MCF2: variants seen among roughly 807,000 people sequenced by gnomAD.
MCF2 encodes the protein MCF.2 cell line derived transforming sequence.
A neutral mutation model predicts 82.5 loss-of-function variants in MCF2; 44 were observed. The observed-to-expected ratio is 0.53, with a 90% CI of 0.42 to 0.69. The LOEUF is 0.69. MCF2 is among the 30% of genes least tolerant of loss of function. The pLI is 0.00. For missense variants in MCF2, 623 were observed against 663.1 expected, an observed-to-expected ratio of 0.94 and a Z score of 0.66; for synonymous variants, 217 against 224.9, an observed-to-expected ratio of 0.96 and a Z score of 0.32.
exon 2 of MCF2, chrX:139,632,440 C>T: frequency 4.2e-6 from 5 of 1,201,217 alleles, no homozygotes; most frequent in Non-Finnish European, 5.6e-6. Context: ...AGTGCAAGTT[C>T]CCAGGGAAGG....
chrX:139,631,900 C>G lies in MCF2; in HGVS notation c.172-389G>C, dbSNP rs746141978. Among the ~76,000 whole-genome samples, 41 of 111,194 alleles carry G rather than the reference C, an allele frequency of 3.7e-4. 1 individual carries two copies. In the Admixed American group the frequency reaches 3.7e-3, roughly 10 times the overall value. On this transcript the variant is annotated intron_variant, in intron 2 of 24. Coordinates refer to ENST00000370576, the Ensembl canonical transcript of MCF2. ...AAAAGTATCAAAATTTATGAGCACC[C>G]TATTCCTAACCTTAAAAACAAACAA... is the stretch of plus-strand genomic sequence containing the variant.
chrX:139,598,434 C>T (rs370241205), exon 17 of MCF2: 14 of 1,164,789 alleles, frequency 1.2e-5, no homozygotes, highest in Non-Finnish European at 1.6e-5. Context: ...TTTAGTGATT[C>T]GTTGCACTGG....
rs140739121 is a variant in MCF2, at chrX:139,681,637, T to C, written c.-45+26469A>G. Among the ~76,000 whole-genome samples, 350 of 112,464 alleles carry C rather than the reference T, an allele frequency of 3.1e-3. 2 individuals are homozygous for C. Among genetic ancestry groups the C allele is most frequent in the African/African-American group, 0.011 (340 of 30,963 alleles). On this transcript the variant is annotated intron_variant, in intron 1 of 27. Coordinates refer to the MCF2 transcript ENST00000414978. ...CCAATACAAGTCTTAGATCAACATA[T>C]GGTGTATGATCCCAGTTTGGTAAAA... is the stretch of plus-strand genomic sequence containing the variant.
chrX:139,596,598 C>A, exon 19 of MCF2: 1 of 1,210,519 alleles, frequency 8.3e-7, no homozygotes, highest in Non-Finnish European at 1.1e-6. Context: ...AGAGCCTTCT[C>A]CACTTTCAAC....
chrX:139,589,174 T>C (rs1404843505), intron 20 of MCF2, among the ~76,000 whole-genome samples: 2 of 111,689 alleles, frequency 1.8e-5, no homozygotes, highest in African/African-American at 6.5e-5. Context: ...CTCCCATCAC[T>C]TACAAGATGT....
intron 6 of MCF2, among the ~76,000 whole-genome samples, chrX:139,622,112 A>C (rs1208927645): frequency 8.9e-6 from 1 of 112,252 alleles, no homozygotes; most frequent in Non-Finnish European, 1.9e-5. Flanking sequence ...TTATGCAGCC[A>C]AAAAACGCAT....
chrX:139,637,361 G>A (rs1041338772), intron 1 of MCF2, among the ~76,000 whole-genome samples: 75 of 111,118 alleles, frequency 6.7e-4, no homozygotes, highest in African/African-American at 2.3e-3. Context: ...TTCATCCCTC[G>A]TGCCCACACG....
In MCF2 at chrX:139,596,768, T is replaced by C. The variant is rs762254929; in HGVS notation, c.2058A>G (p.Gly686=). 3.4e-5 allele frequency: 40 copies of C among 1,187,214 alleles called. No individual in the cohort carries two copies. In the African/African-American group the frequency reaches 6.2e-4, roughly 18 times the overall value. ...TCATCTTGCCCAGTTCATTTAAGTT[T>C]CCCTAGAATGGAAAATCAAAACCCA... is the stretch of plus-strand genomic sequence containing the variant. The change falls in exon 19 of 25, where the codon GGA becomes GGG. Residue 686 remains glycine (G), a splice_region_variant and synonymous_variant. Coordinates refer to ENST00000370576, the Ensembl canonical transcript of MCF2.
At chrX:139,584,446 G>C (rs750873336) in intron 24 of MCF2, among the ~76,000 whole-genome samples, 14 of 111,429 alleles carry the variant, frequency 1.3e-4, no homozygotes, top group African/African-American at 4.6e-4. Flanking sequence ...CTTTAGAAAA[G>C]TAGGGATTTA....
At chrX:139,659,915 C>T (rs1934311406) in intron 1 of MCF2, among the ~76,000 whole-genome samples, 1 of 111,919 alleles carries the variant, frequency 8.9e-6, no homozygotes, top group Non-Finnish European at 1.9e-5. Flanking sequence ...ACACAAGGCA[C>T]TTTATATGCA....
chrX:139,616,376 A>G (rs1931895942), exon 9 of MCF2: 2 of 1,177,911 alleles, frequency 1.7e-6, no homozygotes, highest in African/African-American at 3.5e-5. Flanking sequence ...AAAATTTTCA[A>G]TGTCTTGGAG....
At chrX:139,585,807 A>G (rs775036215) in intron 23 of MCF2, among the ~76,000 whole-genome samples, 4 of 112,353 alleles carry the variant, frequency 3.6e-5, no homozygotes, top group Admixed American at 9.5e-5. Flanking sequence ...AGCACTTTGC[A>G]TAACTCCTGG....
intron 2 of MCF2, among the ~76,000 whole-genome samples, chrX:139,651,155 CTGT>C: frequency 9.1e-6 from 1 of 109,852 alleles, no homozygotes; most frequent in South Asian, 3.8e-4. Context: ...TGCCGCTGAA[CTGT>C]ACTCTTCAAA....
intron 1 of MCF2, among the ~76,000 whole-genome samples, chrX:139,676,479 C>T (rs757897378): frequency 8.9e-6 from 1 of 112,131 alleles, no homozygotes; most frequent in African/African-American, 3.2e-5. Flanking sequence ...TCTTATTTTT[C>T]TGAACAAATA....
Position 139,619,693 on chromosome X carries a change from AC to A in MCF2, c.700del (p.Val234LeufsTer5). The A allele has an allele frequency of 8.7e-7, 1 of 1,155,871 alleles. No individual in the cohort carries two copies. The highest frequency in any genetic ancestry group is 3.1e-5 in the East Asian group (1 of 32,261). Reference sequence around the variant, plus strand: ...TGCTTGTTGGTTTAATAGAAATTCAACTTCAGTCACAAGCTAAAAATACGAA... The same window carrying A: ...TGCTTGTTGGTTTAATAGAAATTCAATTCAGTCACAAGCTAAAAATACGAA... On this transcript the variant is annotated frameshift_variant, in exon 7 of 25. Coordinates refer to ENST00000370576, the Ensembl canonical transcript of MCF2. LOFTEE classifies it high-confidence loss of function.
At chrX:139,619,770 T>C (rs1434577218) in intron 6 of MCF2, 64 bp from the exon 10 acceptor site, 2 of 894,356 alleles carry the variant, frequency 2.2e-6, no homozygotes, top group African/African-American at 4.1e-5. Flanking sequence ...TCAAGTTTTA[T>C]ACAAAATGCT....
rs1426347896 is a variant in MCF2, at chrX:139,642,843, A to G, written c.-325T>C. 5 of 916,993 alleles carry G rather than the reference A, an allele frequency of 5.5e-6. No homozygotes were observed. In the African/African-American group the frequency reaches 1.0e-4, roughly 19 times the overall value. The allele number at this position is 916,993 out of a possible 1,213,427, so 75.6% of individuals were successfully genotyped here. A position where few individuals can be genotyped will look rare whatever the true frequency, so the allele number is the denominator to read the frequency against. On this transcript the variant is annotated 5_prime_UTR_variant, in exon 1 of 25. Coordinates refer to ENST00000370576, the Ensembl canonical transcript of MCF2. Reference sequence around the variant, plus strand: ...GCTCAAGAAGATCAGGCATGTCCTAAGAGTGGAAGGAGGAGGAAAAAAAAA... The same window carrying G: ...GCTCAAGAAGATCAGGCATGTCCTAGGAGTGGAAGGAGGAGGAAAAAAAAA...
At chrX:139,595,741 A>G (rs1024833021) in intron 19 of MCF2, among the ~76,000 whole-genome samples, 5 of 109,517 alleles carry the variant, frequency 4.6e-5, no homozygotes, top group Non-Finnish European at 9.5e-5. Flanking sequence ...AATAAAATAA[A>G]AAAATAAAAA....
intron 1 of MCF2, among the ~76,000 whole-genome samples, chrX:139,670,230 G>C (rs1934642788): frequency 9.0e-6 from 1 of 111,375 alleles, no homozygotes; most frequent in Non-Finnish European, 1.9e-5. Flanking sequence ...TACACTTTTG[G>C]AAATGTATGC....
Sources: allele counts gnomAD v4.1 joint callset (sites outside exome capture counted in the v4.1 genomes callset), GRCh38; gene constraint gnomAD v4.1.1; transcripts MANE v1.5; gene names NCBI Gene and HGNC (gene_info 2026-07-23, HGNC 2026-07-21).